The following GRM5 variants were observed in gnomAD, a reference collection of about 807,000 sequenced individuals.
GRM5 encodes metabotropic glutamate receptor 5.
A neutral mutation model predicts 83.1 loss-of-function variants in GRM5; 19 were observed. The ratio of observed to expected loss-of-function variants is 0.23; its 90% CI spans 0.16 to 0.34. GRM5 has a LOEUF of 0.34. Among genes scored for constraint, GRM5 ranks in the 10% least tolerant of loss-of-function variants. GRM5 has a pLI of 1.00. For missense variants in GRM5, 1,160 were observed against 1,588.3 expected (o/e 0.73, Z 4.58); for synonymous variants, 675 against 633.6 (o/e 1.07, Z -0.98).
rs1466153477 is a variant in GRM5, at chr11:88,525,413, C to A, written c.2631-9G>T. The A allele has an allele frequency of 1.9e-6, 3 of 1,550,092 alleles. No homozygotes were observed. Among genetic ancestry groups the A allele is most frequent in the East Asian group, 4.5e-5 (2 of 44,576 alleles). On this transcript the variant is annotated splice_polypyrimidine_tract_variant and intron_variant, in intron 8 of 9. Transcript: ENST00000305447. The stretch of plus-strand genomic sequence containing the variant: ...GTCTCCTGTCTTTGTACCTGGTGAG[C>A]ATGAACAAGGACAGGAGCAAACAGA...
chr11:88,581,630 A>G (rs1318788783), intron 7 of GRM5, among the ~76,000 whole-genome samples: 1 of 152,230 alleles, frequency 6.6e-6, no homozygotes, highest in Non-Finnish European at 1.5e-5. Context: ...AATGTAGTGA[A>G]CTTATCTAGA....
intron 2 of GRM5, among the ~76,000 whole-genome samples, chr11:88,910,559 GCTTT>G (rs1169179019): frequency 2.0e-5 from 3 of 152,004 alleles, no homozygotes; most frequent in Non-Finnish European, 4.4e-5. Context: ...GTTTTGATTG[GCTTT>G]CTTTCTTTAG....
intron 4 of GRM5, among the ~76,000 whole-genome samples, chr11:88,606,941 GTTTTT>G (rs36065663): frequency 7.8e-6 from 1 of 128,232 alleles, no homozygotes; most frequent in African/African-American, 2.8e-5. Flanking sequence ...TAAGAAAGGT[GTTTTT>G]TTTTTTTTTT....
intron 5 of GRM5, among the ~76,000 whole-genome samples, chr11:88,604,307 A>G (rs1048742844): frequency 1.4e-4 from 22 of 152,196 alleles, no homozygotes; most frequent in Admixed American, 1.3e-4. Flanking sequence ...AACAGAACAG[A>G]ACCTCAGCCC....
chr11:89,017,542 G>A lies in GRM5; in HGVS notation c.661+29670C>T, dbSNP rs543484428. 3.9e-5 allele frequency among the ~76,000 whole-genome samples: 6 copies of A among 152,210 alleles called. No individual in the cohort carries two copies. The South Asian group carries it at 1.2e-3, about 32-fold the overall frequency. The stretch of plus-strand genomic sequence containing the variant: ...TCTGCTCTCAGTACTTGATACCTAT[G>A]ACTTAATCCTTCCAACAACCTTTCA... On this transcript the variant is annotated intron_variant, in intron 2 of 9. Transcript: ENST00000305447.
At chr11:88,840,497 A>G (rs368543058) in intron 3 of GRM5, among the ~76,000 whole-genome samples, 2 of 151,954 alleles carry the variant, frequency 1.3e-5, no homozygotes, top group East Asian at 3.9e-4. Context: ...TCCCATACCC[A>G]TGATCTCATG....
intron 3 of GRM5, among the ~76,000 whole-genome samples, chr11:88,725,058 C>A (rs1359462409): frequency 6.6e-6 from 1 of 152,116 alleles, no homozygotes; most frequent in Admixed American, 6.6e-5. Context: ...ACCATTCACT[C>A]CCCTGGAAAG....
At chr11:88,616,776 A>G (rs1938497226) in intron 4 of GRM5, among the ~76,000 whole-genome samples, 2 of 152,174 alleles carry the variant, frequency 1.3e-5, no homozygotes, top group Admixed American at 1.3e-4. Flanking sequence ...ATCATATATT[A>G]AACATTCAAT....
At chr11:89,036,014 A>T (rs768588359) in intron 2 of GRM5, among the ~76,000 whole-genome samples, 1 of 151,946 alleles carries the variant, frequency 6.6e-6, no homozygotes, top group African/African-American at 2.4e-5. Flanking sequence ...GCTTGTACCT[A>T]TTTTTTTCAC....
At chr11:88,587,001 A>T (rs1184054623) in intron 7 of GRM5, among the ~76,000 whole-genome samples, 1 of 152,162 alleles carries the variant, frequency 6.6e-6, no homozygotes, top group Non-Finnish European at 1.5e-5. Context: ...ATTTTACTGG[A>T]GGTTGACACG....
rs189515866 is a variant in GRM5, at chr11:88,721,834, T to C, written c.912-68431A>G. Among the ~76,000 whole-genome samples, 129 of 152,216 alleles carry C rather than the reference T, an allele frequency of 8.5e-4. 1 individual carries two copies. The highest frequency in any genetic ancestry group is 3.0e-3 in the African/African-American group (125 of 41,552). On this transcript the variant is annotated intron_variant, in intron 3 of 9. Transcript: ENST00000305447. ...AAATCATCAAATATGTGAAAAGAAA[T>C]TGACAAAGGAAAAGACAGCTTTTGT...
At chr11:88,630,556 CACACACACACACACACAA>C (rs1320001505) in intron 4 of GRM5, among the ~76,000 whole-genome samples, 2,074 of 37,132 alleles carry the variant, frequency 0.056, 48 homozygotes, top group African/African-American at 0.12. Context: ...CACACACACA[CACACACACACACACACAA>C]ACACACACAC....
intron 2 of GRM5, among the ~76,000 whole-genome samples, chr11:88,966,569 C>A (rs1938970531): frequency 6.6e-6 from 1 of 152,108 alleles, no homozygotes; most frequent in African/African-American, 2.4e-5. Flanking sequence ...TCTATATCCA[C>A]AAATTTGACA....
intron 3 of GRM5, among the ~76,000 whole-genome samples, chr11:88,729,991 C>T (rs1418202014): frequency 6.6e-6 from 1 of 152,142 alleles, no homozygotes; most frequent in African/African-American, 2.4e-5. Context: ...ATGACTAAAA[C>T]ACCAAAAGCA....
chr11:88,739,728 T>C (rs1194055354), intron 3 of GRM5, among the ~76,000 whole-genome samples: 2 of 152,082 alleles, frequency 1.3e-5, no homozygotes, highest in African/African-American at 2.4e-5. Flanking sequence ...AAGAAGGTAC[T>C]TGCTTCTACT....
intron 2 of GRM5, among the ~76,000 whole-genome samples, chr11:88,967,647 C>T (rs1229740735): frequency 6.6e-6 from 1 of 152,048 alleles, no homozygotes; most frequent in Non-Finnish European, 1.5e-5. Flanking sequence ...AAAGGTCCTA[C>T]CTATCAACAC....
intron 3 of GRM5, among the ~76,000 whole-genome samples, chr11:88,817,654 T>C (rs2135505398): frequency 6.6e-6 from 1 of 152,252 alleles, no homozygotes; most frequent in South Asian, 2.1e-4. Context: ...ACAAACTGAA[T>C]GCTCCTTGAG....
chr11:88,656,139 T>A (rs1166505743), intron 3 of GRM5, among the ~76,000 whole-genome samples: 2 of 152,186 alleles, frequency 1.3e-5, no homozygotes, highest in Admixed American at 1.3e-4. Context: ...TCAATTTAAT[T>A]TTTTGGGTGA....
chr11:88,615,242 G>A (rs1322717333), intron 4 of GRM5, among the ~76,000 whole-genome samples: 2 of 152,032 alleles, frequency 1.3e-5, no homozygotes, highest in African/African-American at 4.8e-5. Context: ...CCAAGTGATT[G>A]CAAACTCCTC....
Sources: gnomAD v4.1 joint callset for allele counts (sites outside exome capture counted in the v4.1 genomes callset) on GRCh38, gnomAD v4.1.1 for gene constraint, MANE v1.5 for transcripts, NCBI Gene and HGNC (gene_info 2026-07-23, HGNC 2026-07-21) for gene names.